Variants in NDRG2 observed in about 807,000 individuals in gnomAD.
NDRG2 encodes NDRG family member 2, also known as protein NDRG2.
Under a neutral mutation model 58.2 loss-of-function variants are expected in NDRG2, and 34 were observed. The ratio of observed to expected loss-of-function variants is 0.58; its 90% CI spans 0.44 to 0.78. The LOEUF is 0.78. Among genes scored for constraint, NDRG2 ranks in the 30% least tolerant of loss-of-function variants. The pLI is 0.00. For missense variants in NDRG2, 434 were observed against 471.2 expected, an observed-to-expected ratio of 0.92 and a Z score of 0.73; for synonymous variants, 187 against 175.9, an observed-to-expected ratio of 1.06 and a Z score of -0.50.
intron 1 of NDRG2, chr14:21,031,109 C>T: frequency 6.2e-7 from 1 of 1,614,162 alleles, no homozygotes; most frequent in African/African-American, 1.3e-5. Context: ...AGATGAAGTC[C>T]TGGAGAACAT....
At chr14:21,059,481 T>C (rs951046390) in intron 1 of NDRG2, among the ~76,000 whole-genome samples, 2 of 89,138 alleles carry the variant, frequency 2.2e-5, no homozygotes, top group African/African-American at 6.1e-5. Context: ...CTGGGTTTTT[T>C]TGGGTTTTTT....
At chr14:21,038,156 C>G (rs887991507) in intron 1 of NDRG2, among the ~76,000 whole-genome samples, 2 of 152,198 alleles carry the variant, frequency 1.3e-5, no homozygotes, top group Non-Finnish European at 2.9e-5. Context: ...AGTCTAGAAG[C>G]CGCATTGTCA....
intron 1 of NDRG2, chr14:21,058,307 G>A: frequency 6.2e-7 from 1 of 1,613,660 alleles, no homozygotes; most frequent in South Asian, 1.1e-5. Context: ...TCCACAACAG[G>A]GTGACCCAGG....
At position 21,016,983 on chromosome 14, in the gene NDRG2, C is replaced by G. The variant is rs917693701; in HGVS notation, c.*613G>C. The G allele has an allele frequency of 2.2e-6, 1 of 456,558 alleles. No individual in the cohort carries two copies. Among genetic ancestry groups the G allele is most frequent in the South Asian group, 1.5e-5 (1 of 64,562 alleles). 28.3% of individuals were successfully genotyped at this position (456,558 alleles called of 1,614,324 possible). A position where few individuals can be genotyped will look rare whatever the true frequency, so the allele number is the denominator to read the frequency against. ...GTTAGTGCAGCCAAACGGCCCCAGG[C>G]CCCTTCCTGTTGCCCCAGCACCAAT... is the stretch of plus-strand genomic sequence containing the variant. On this transcript the variant is annotated 3_prime_UTR_variant, in exon 16 of 16. Coordinates refer to ENST00000556147, the MANE Select transcript of NDRG2 (RefSeq NM_001320329.2).
chr14:21,017,263 A>C lies in NDRG2; in HGVS notation c.*333T>G, dbSNP rs1411702228. 2.5e-6 allele frequency: 1 copy of C among 397,552 alleles called. No homozygotes were observed. Among genetic ancestry groups the C allele is most frequent in the Non-Finnish European group, 4.8e-6 (1 of 207,524 alleles). The allele number at this position is 397,552 out of a possible 1,614,324, so 24.6% of individuals were successfully genotyped here. A position where few individuals can be genotyped will look rare whatever the true frequency, so the allele number is the denominator to read the frequency against. ...GTAGGGAGAGTCTGATGGAGGCACC[A>C]GGACAACTACAACAACCTCTTACCC... On this transcript the variant is annotated 3_prime_UTR_variant, in exon 16 of 16. Transcript: ENST00000556147.
At chr14:21,019,453 G>C (rs1011686066) in intron 10 of NDRG2, among the ~76,000 whole-genome samples, 186 bp downstream of exon 10, 1 of 152,144 alleles carries the variant, frequency 6.6e-6, no homozygotes, top group Non-Finnish European at 1.5e-5. Context: ...CAAGAGAAGG[G>C]GGACAGCCCC....
intron 1 of NDRG2, among the ~76,000 whole-genome samples, chr14:21,056,863 G>A (rs1463990497): frequency 6.6e-6 from 1 of 152,114 alleles, no homozygotes; most frequent in Non-Finnish European, 1.5e-5. Context: ...TGAACTCTAA[G>A]GTCCCTTCCA....
chr14:21,020,617 G>C (rs761793128), intron 7 of NDRG2, 35 bp from the exon 8 acceptor site: 3 of 1,605,888 alleles, frequency 1.9e-6, no homozygotes, highest in Non-Finnish European at 1.7e-6. Context: ...ATGAGAAACA[G>C]GGCATGGCCT....
chr14:21,018,116 T>C (rs1463664544), intron 14 of NDRG2, 78 bp from the exon 15 acceptor site: 22 of 1,598,014 alleles, frequency 1.4e-5, no homozygotes, highest in Middle Eastern at 1.7e-4. Context: ...TGCGGCACTG[T>C]GGGGCCGGGT....
rs551911381 is a variant in NDRG2, at chr14:21,053,992, C to G, written c.24+16836G>C. On this transcript the variant is annotated intron_variant, in intron 1 of 14. Coordinates refer to the NDRG2 transcript ENST00000403829. ...AATTCAGGGCTATTCATGTCTGGTT[C>G]AGTATTCTTACCACTAGACTATTTT... is the stretch of plus-strand genomic sequence containing the variant. 2.0e-5 allele frequency among the ~76,000 whole-genome samples: 3 copies of G among 152,268 alleles called. No individual in the cohort carries two copies. In the South Asian group the frequency reaches 6.2e-4, roughly 32 times the overall value.
At chr14:21,043,018 G>T (rs752706154) in intron 1 of NDRG2, 3 of 1,613,922 alleles carry the variant, frequency 1.9e-6, no homozygotes, top group Non-Finnish European at 2.5e-6. Context: ...GCAGGATTCT[G>T]CCCCCTTCTG....
intron 1 of NDRG2, chr14:21,031,769 C>A (rs1190015828): frequency 8.9e-6 from 10 of 1,124,174 alleles, no homozygotes; most frequent in African/African-American, 3.1e-5. Context: ...GAAAGCAGCA[C>A]CCCATGCCAG....
At chr14:21,050,377 G>A (rs4982394) in intron 1 of NDRG2, among the ~76,000 whole-genome samples, 81,452 of 152,064 alleles carry the variant, frequency 0.54, 25,111 homozygotes, top group Non-Finnish European at 0.68. Flanking sequence ...CTGCTACTCC[G>A]GACCAGGGTG....
upstream of NDRG2, chr14:21,025,164 AC>A: frequency 2.1e-6 from 2 of 933,836 alleles, no homozygotes; most frequent in Non-Finnish European, 1.3e-6. The surrounding 1 kb of genome is among the most constrained non-coding windows in gnomAD (Gnocchi z 5.1). Context: ...CCCGCCCCAG[AC>A]CCCCAGTAAA....
chr14:21,020,485 C>T lies in NDRG2; in HGVS notation c.555+11G>A, dbSNP rs755674002. 13 of 1,611,638 alleles carry T rather than the reference C, an allele frequency of 8.1e-6. No individual in the cohort carries two copies. In the South Asian group the frequency reaches 1.4e-4, roughly 18 times the overall value. On this transcript the variant is annotated intron_variant, in intron 8 of 15. Coordinates refer to ENST00000556147, the MANE Select transcript of NDRG2 (RefSeq NM_001320329.2). ...CCAACCGTAGGTCTCAGCACACAGG[C>T]CCCTCCAAACCTTGTGGGCTGCCCA...
upstream of NDRG2, among the ~76,000 whole-genome samples, chr14:21,027,981 C>T (rs1276893268): frequency 6.6e-6 from 1 of 152,162 alleles, no homozygotes; most frequent in East Asian, 1.9e-4. Context: ...CATGTATTAT[C>T]CCCTAATACC....
chr14:21,022,250 ACCCTTCCTTTCATG>A, intron 4 of NDRG2, 68 bp from the exon 5 acceptor site: 1 of 1,609,882 alleles, frequency 6.2e-7, no homozygotes, highest in South Asian at 1.1e-5. Flanking sequence ...GTCAGAACTC[ACCCTTCCTTTCATG>A]CCACAGTCAG....
At chr14:21,060,858 A>T (rs1255598709) in intron 1 of NDRG2, among the ~76,000 whole-genome samples, 1 of 152,176 alleles carries the variant, frequency 6.6e-6, no homozygotes, top group Non-Finnish European at 1.5e-5. Flanking sequence ...TTCTCCAGTA[A>T]TTGCCCACCT....
At chr14:21,060,303 C>T (rs1296754151) in intron 1 of NDRG2, among the ~76,000 whole-genome samples, 2 of 152,148 alleles carry the variant, frequency 1.3e-5, no homozygotes, top group East Asian at 3.9e-4. Flanking sequence ...GTAGTTTCCC[C>T]CACAGCCTCC....
Sources: gnomAD v4.1 joint callset for allele counts (sites outside exome capture counted in the v4.1 genomes callset) on GRCh38, gnomAD v4.1.1 for gene constraint, Gnocchi (gnomAD v3.1) non-coding constraint, MANE v1.5 for transcripts, NCBI Gene and HGNC (gene_info 2026-07-23, HGNC 2026-07-21) for gene names.